KANK1: variants seen among roughly 807,000 people sequenced by gnomAD.
The protein encoded by KANK1 is KN motif and ankyrin repeat domain-containing protein 1.
In KANK1, 109 loss-of-function variants were observed where a neutral mutation model predicts 106.2. The ratio of observed to expected loss-of-function variants is 1.03; its 90% CI spans 0.88 to 1.20. The LOEUF (loss-of-function observed/expected upper bound fraction) is 1.20. Among genes scored for constraint, KANK1 ranks in the 50% most tolerant of loss-of-function variants. The pLI is 0.00. For synonymous variants in KANK1, 873 were observed against 652.2 expected, an observed-to-expected ratio of 1.34 and a Z score of -5.16; for missense variants, 2,399 against 1,710.7, an observed-to-expected ratio of 1.40 and a Z score of -7.10.
chr9:666,279 A>T (rs79947846), intron 1 of KANK1, among the ~76,000 whole-genome samples: 7,009 of 152,170 alleles, frequency 0.046, 433 homozygotes, highest in East Asian at 0.22. Context: ...CTATTGGTAT[A>T]TATAAATGCT....
rs1346785170 is a variant in KANK1, at chr9:486,135, A to G, written c.-362+12862A>G. On this transcript the variant is annotated intron_variant, in intron 3 of 15. Transcript: ENST00000382303. ...TTAGAACTGGAACCTTTATTAATTG[A>G]ATATCAGACAGGAAAGCAAATCTCC... Among the ~76,000 whole-genome samples, 3 of 152,186 alleles carry G rather than the reference A, an allele frequency of 2.0e-5. No individual in the cohort carries two copies. In the South Asian group the frequency reaches 6.2e-4, roughly 32 times the overall value.
At chr9:648,697 A>C (rs1484629968) in intron 1 of KANK1, among the ~76,000 whole-genome samples, 1 of 152,152 alleles carries the variant, frequency 6.6e-6, no homozygotes, top group East Asian at 1.9e-4. Context: ...CACGTCTTTG[A>C]GCTTCAATTT....
At chr9:629,662 G>A (rs1242003688) in intron 1 of KANK1, among the ~76,000 whole-genome samples, 1 of 152,200 alleles carries the variant, frequency 6.6e-6, no homozygotes, top group Non-Finnish European at 1.5e-5. Flanking sequence ...TTCTCCCAGA[G>A]GAGATCTCAA....
intron 1 of KANK1, among the ~76,000 whole-genome samples, chr9:652,465 G>C (rs142076901): frequency 0.013 from 1,966 of 152,308 alleles, 41 homozygotes; most frequent in African/African-American, 0.045. Flanking sequence ...AGAGTTTGCA[G>C]TGAGCCGAGA....
chr9:594,561 G>A (rs530432778), intron 1 of KANK1, among the ~76,000 whole-genome samples: 2 of 151,962 alleles, frequency 1.3e-5, no homozygotes, highest in East Asian at 3.9e-4. Context: ...AAGTGAGCCA[G>A]AAATACTCTA....
At chr9:552,376 A>G (rs2061336572) in intron 1 of KANK1, among the ~76,000 whole-genome samples, 1 of 152,164 alleles carries the variant, frequency 6.6e-6, no homozygotes. Context: ...GCCAAGACTC[A>G]AACTCATTTT....
At chr9:630,519 G>C (rs10975492) in intron 1 of KANK1, among the ~76,000 whole-genome samples, 23,708 of 151,524 alleles carry the variant, frequency 0.16, 2,035 homozygotes, top group Admixed American at 0.18. Flanking sequence ...CCACTGCACT[G>C]CAGCCTGGGC....
At chr9:526,164 A>C (rs541388797) in intron 1 of KANK1, among the ~76,000 whole-genome samples, 28 of 151,746 alleles carry the variant, frequency 1.8e-4, no homozygotes, top group Middle Eastern at 3.4e-3. Flanking sequence ...CTAATGAGAA[A>C]CCTGAAAAAT....
intron 3 of KANK1, among the ~76,000 whole-genome samples, chr9:496,310 C>G (rs1201713976): frequency 1.3e-5 from 2 of 152,146 alleles, no homozygotes; most frequent in African/African-American, 2.4e-5. Flanking sequence ...TCCCAGTACT[C>G]TAGGAGGCCG....
chr9:573,502 C>T (rs896998527), intron 1 of KANK1, among the ~76,000 whole-genome samples: 1 of 152,056 alleles, frequency 6.6e-6, no homozygotes, highest in Non-Finnish European at 1.5e-5. Flanking sequence ...GATCTCTTGA[C>T]CTCGTGATCC....
intron 1 of KANK1, among the ~76,000 whole-genome samples, chr9:585,042 T>C (rs1158922922): frequency 6.6e-6 from 1 of 152,228 alleles, no homozygotes; most frequent in Non-Finnish European, 1.5e-5. Flanking sequence ...TTTGTCCTTA[T>C]CTGCAGCATT....
chr9:478,569 G>A (rs1340234600), intron 3 of KANK1: 2 of 152,212 alleles, frequency 1.3e-5, no homozygotes, highest in East Asian at 1.9e-4. Flanking sequence ...AAGGACCAGT[G>A]TATACAAATC....
At chr9:533,979 G>A (rs887478110) in intron 1 of KANK1, among the ~76,000 whole-genome samples, 1 of 152,154 alleles carries the variant, frequency 6.6e-6, no homozygotes, top group Non-Finnish European at 1.5e-5. Flanking sequence ...GTTGAGATAA[G>A]GAGAATAATG....
chr9:525,049 C>A lies in KANK1; in HGVS notation c.-84+20295C>A, dbSNP rs962367033. Among the ~76,000 whole-genome samples, 16 of 138,996 alleles carry A rather than the reference C, an allele frequency of 1.2e-4. No individual in the cohort carries two copies. In the Admixed American group the frequency reaches 1.2e-3, roughly 11 times the overall value. 91.2% of individuals were successfully genotyped at this position (138,996 alleles called of 152,430 possible). ...TCACCCAGGCTGGAGAGCACTGGCTCACTGCACCAATCTCAGCTCACTGCA... is the reference window on the plus strand; with the variant it reads ...TCACCCAGGCTGGAGAGCACTGGCTAACTGCACCAATCTCAGCTCACTGCA... On this transcript the variant is annotated intron_variant, in intron 1 of 11. Transcript: ENST00000382297.
chr9:576,764 T>G (rs1242340854), intron 1 of KANK1, among the ~76,000 whole-genome samples: 1 of 152,084 alleles, frequency 6.6e-6, no homozygotes, highest in East Asian at 1.9e-4. Flanking sequence ...GACCTTGTTT[T>G]TTTTTTGCAA....
chr9:561,986 T>A (rs1425601451), intron 1 of KANK1, among the ~76,000 whole-genome samples: 1 of 151,776 alleles, frequency 6.6e-6, no homozygotes, highest in Non-Finnish European at 1.5e-5. Flanking sequence ...TTCAGCAGAT[T>A]AACCATTTTA....
At chr9:744,883 A>G in intron 11 of KANK1, 1 of 1,410,644 alleles carries the variant, frequency 7.1e-7, no homozygotes, top group East Asian at 2.6e-5. Flanking sequence ...GCCCATGGGG[A>G]TATTTCGCCA....
At chr9:661,218 G>A (rs1843228710) in intron 1 of KANK1, among the ~76,000 whole-genome samples, 1 of 152,072 alleles carries the variant, frequency 6.6e-6, no homozygotes, top group Admixed American at 6.5e-5. Context: ...TTGGTGTGCT[G>A]TACCCATTAG....
At position 713,341 on chromosome 9, in the gene KANK1, A is replaced by G; in HGVS notation, c.2575A>G (p.Met859Val). Residue 859 changes from methionine to valine, a missense_variant, in exon 3 of 12, where the codon ATG becomes GTG. Coordinates refer to ENST00000382297, the MANE Select transcript of KANK1 (RefSeq NM_015158.5). The stretch of plus-strand genomic sequence containing the variant: ...AGCTTTCGGGGAACCTCACTCACAG[A>G]TGGGCTCCCTCAACTCTCAGCTCAT... ...AEAFGEPHSQ[M>V]GSLNSQLIST... The G allele has an allele frequency of 6.2e-7, 1 of 1,614,162 alleles. No homozygotes were observed. The highest frequency in any genetic ancestry group is 1.1e-5 in the South Asian group (1 of 91,082).
Sources: allele counts gnomAD v4.1 joint callset (sites outside exome capture counted in the v4.1 genomes callset), GRCh38; gene constraint gnomAD v4.1.1; transcripts MANE v1.5; gene names NCBI Gene and HGNC (gene_info 2026-07-23, HGNC 2026-07-21).